Variants in GALNS observed in about 807,000 individuals in gnomAD.
GALNS encodes the protein N-acetylgalactosamine-6-sulfatase.
A neutral mutation model predicts 65.9 loss-of-function variants in GALNS; 65 were observed. The ratio of observed to expected loss-of-function variants is 0.99; its 90% CI spans 0.81 to 1.21. The LOEUF (loss-of-function observed/expected upper bound fraction) is 1.21, where lower values mean the gene tolerates loss of function less well. Ranked by LOEUF, GALNS falls within the 50% of genes most tolerant of loss-of-function variation. The pLI, the probability that GALNS is intolerant of heterozygous loss-of-function variation, is 0.00. For synonymous variants in GALNS, 346 were observed against 288.9 expected (o/e 1.20, Z -2.00); for missense variants, 776 against 700.7 (o/e 1.11, Z -1.21).
Position 88,814,016 on chromosome 16 carries a change from A to T in GALNS, c.*423T>A. On this transcript the variant is annotated 3_prime_UTR_variant, in exon 14 of 14. Coordinates refer to ENST00000268695, the MANE Select transcript of GALNS (RefSeq NM_000512.5). ...CTGAACCAATGTACGCCATACACAT[A>T]CTGATCTTGTGTCTCCCTAAGATGT... The T allele has an allele frequency of 1.3e-5, 4 of 319,462 alleles. No individual in the cohort carries two copies. The highest frequency in any genetic ancestry group is 1.1e-4 in the South Asian group (4 of 36,004). The allele number at this position is 319,462 out of a possible 1,614,324, so 19.8% of individuals were successfully genotyped here.
In GALNS at chr16:88,822,631, A is replaced by G; in HGVS notation, c.1322T>C (p.Ile441Thr). ...CCCTGGGTCCCGTCCCAGGTGGAAG[A>G]TCAGGGGCAGCTTCGTGTGGTCTTC... ...NLEDHTKLPL[I>T]FHLGRDPGER... Residue 441 changes from isoleucine to threonine, a missense_variant, in exon 12 of 14, where the codon ATC becomes ACC. Ile to Thr is a moderately conservative substitution (Grantham distance 89). Transcript: ENST00000268695. 1.2e-6 allele frequency: 2 copies of G among 1,613,030 alleles called. No individual in the cohort carries two copies. Among genetic ancestry groups the G allele is most frequent in the Non-Finnish European group, 1.7e-6 (2 of 1,179,858 alleles).
intron 7 of GALNS, among the ~76,000 whole-genome samples, 176 bp downstream of exon 7, chr16:88,835,549 C>A (rs1912031514): frequency 6.6e-6 from 1 of 152,142 alleles, no homozygotes; most frequent in African/African-American, 2.4e-5. Context: ...AGAGCCAGCA[C>A]CCCCACCACA....
Position 88,856,854 on chromosome 16 carries a change from C to T in GALNS, c.24G>A (p.Thr8=), listed in dbSNP as rs904615956. The T allele has an allele frequency of 6.6e-6, 10 of 1,511,322 alleles. No homozygotes were observed. The African/African-American group carries it at 8.7e-5, about 13-fold the overall frequency. 93.6% of individuals were successfully genotyped at this position (1,511,322 alleles called of 1,614,324 possible). A position where few individuals can be genotyped will look rare whatever the true frequency, so the allele number is the denominator to read the frequency against. ...GCACCAGCAACAGCTGCCACCACCT[C>T]GTCGCCGCGACAACCGCCGCCATGG... MAAVVAA[T]RWWQLLLVLS... Residue 8 remains threonine (T), a synonymous_variant, in exon 1 of 14, where the codon ACG becomes ACA. Coordinates refer to ENST00000268695, the MANE Select transcript of GALNS (RefSeq NM_000512.5).
chr16:88,827,763 G>A (rs1031935214), intron 9 of GALNS, among the ~76,000 whole-genome samples: 14 of 152,178 alleles, frequency 9.2e-5, no homozygotes, highest in African/African-American at 2.9e-4. Context: ...TAACTCGGGG[G>A]CTCCAGGCTT....
intron 13 of GALNS, chr16:88,815,072 G>A (rs971559883): frequency 6.9e-6 from 6 of 864,166 alleles, no homozygotes; most frequent in African/African-American, 1.1e-4. Flanking sequence ...GGTCAACCCC[G>A]GACCCCAACC....
intron 4 of GALNS, among the ~76,000 whole-genome samples, chr16:88,840,055 A>G (rs895536570): frequency 3.3e-5 from 5 of 151,874 alleles, no homozygotes; most frequent in African/African-American, 1.2e-4. Flanking sequence ...GTGGGGCCCA[A>G]CCTCCCTGTG....
chr16:88,824,698 G>A (rs1567518915), intron 11 of GALNS, 69 bp downstream of exon 11: 8 of 1,319,326 alleles, frequency 6.1e-6, no homozygotes, highest in Admixed American at 1.7e-5. Flanking sequence ...CCCCAGGACG[G>A]TGCTCAGGGG....
intron 13 of GALNS, chr16:88,815,391 G>A (rs1909517741): frequency 1.0e-6 from 1 of 985,466 alleles, no homozygotes; most frequent in Non-Finnish European, 1.2e-6. Flanking sequence ...CCTTTCCCAG[G>A]GAGAAGCCAG....
chr16:88,842,675 C>A, intron 2 of GALNS, 31 bp downstream of exon 2: 2 of 1,610,232 alleles, frequency 1.2e-6, no homozygotes, highest in South Asian at 1.1e-5. Flanking sequence ...GGGCTCACCC[C>A]TTCCTGGGGG....
chr16:88,814,645 G>A (rs1322646273), intron 13 of GALNS, 120 bp from the exon 14 acceptor site: 18 of 1,492,710 alleles, frequency 1.2e-5, no homozygotes, highest in Non-Finnish European at 1.6e-5. Context: ...CCAGGCTGGA[G>A]TTCAGTGGCG....
At chr16:88,824,660 TC>T in intron 11 of GALNS, 106 bp downstream of exon 11, 1 of 893,816 alleles carries the variant, frequency 1.1e-6, no homozygotes, top group Non-Finnish European at 1.8e-6. Context: ...GGGGTGGAGT[TC>T]CTGCCTGTCT....
intron 9 of GALNS, among the ~76,000 whole-genome samples, chr16:88,829,363 G>A (rs1262188476): frequency 1.3e-5 from 2 of 152,210 alleles, no homozygotes; most frequent in East Asian, 3.9e-4. Context: ...AAAGGAGGCC[G>A]TGCCCACCAC....
chr16:88,835,725 C>T lies in GALNS; in HGVS notation c.758G>A (p.Arg253Gln), dbSNP rs769560969. The change falls in exon 7 of 14, where the codon CGG (arginine) becomes CAG (glutamine). Residue 253 changes from arginine (R) to glutamine (Q), a missense_variant and splice_region_variant. Coordinates refer to ENST00000268695, the MANE Select transcript of GALNS (RefSeq NM_000512.5). Reference sequence around the variant, plus strand: ...TATGCTCCATGGAGCCAGGACTCACCGCCCTCGCTGACTGGTGCCCAAGAA... The same window carrying T: ...TATGCTCCATGGAGCCAGGACTCACTGCCCTCGCTGACTGGTGCCCAAGAA... Reference protein sequence around the residue: ...KPFLGTSQRGRYGDAVREIDD... With the variant: ...KPFLGTSQRGQYGDAVREIDD... 1.3e-5 allele frequency: 21 copies of T among 1,613,852 alleles called. No individual in the cohort carries two copies. Among genetic ancestry groups the T allele is most frequent in the South Asian group, 6.6e-5 (6 of 91,086 alleles).
intron 9 of GALNS, among the ~76,000 whole-genome samples, chr16:88,831,165 A>T (rs1036068625): frequency 3.3e-5 from 5 of 152,180 alleles, no homozygotes; most frequent in African/African-American, 4.8e-5. Flanking sequence ...CAAGCACAGC[A>T]AGCCCTACAC....
At chr16:88,820,868 G>C (rs914311908) in intron 12 of GALNS, among the ~76,000 whole-genome samples, 38 of 152,160 alleles carry the variant, frequency 2.5e-4, no homozygotes, top group African/African-American at 9.2e-4. Flanking sequence ...GCACCGGTGT[G>C]GCCAGCAGCT....
intron 13 of GALNS, chr16:88,817,460 G>C (rs1597522596): frequency 1.0e-6 from 1 of 985,400 alleles, no homozygotes; most frequent in Non-Finnish European, 1.2e-6. Context: ...TCTGGGGCTG[G>C]CCCAGCATGA....
At chr16:88,815,472 G>T in intron 13 of GALNS, 1 of 985,492 alleles carries the variant, frequency 1.0e-6, no homozygotes, top group South Asian at 4.7e-5. Flanking sequence ...TCGCCTGGGT[G>T]TGTGTGGACC....
At chr16:88,822,400 G>T (rs962904236) in intron 12 of GALNS, among the ~76,000 whole-genome samples, 189 bp downstream of exon 12, 1 of 152,194 alleles carries the variant, frequency 6.6e-6, no homozygotes, top group African/African-American at 2.4e-5. Flanking sequence ...AGACCACCAG[G>T]GTGGGCAGCA....
chr16:88,818,031 G>A lies in GALNS; in HGVS notation c.1458C>T (p.Leu486=). 1.9e-6 allele frequency: 3 copies of A among 1,583,408 alleles called. No homozygotes were observed. Among genetic ancestry groups the A allele is most frequent in the East Asian group, 2.3e-5 (1 of 43,340 alleles). The change falls in exon 13 of 14, where the codon CTC becomes CTT. Residue 486 remains leucine (L), a synonymous_variant. Transcript: ENST00000268695. ...CCATGACCGCCCAGTTGCACACGTTGAGCTGGGGCTGCGCGGGGACCAAGG... is the reference window on the plus strand; with the variant it reads ...CCATGACCGCCCAGTTGCACACGTTAAGCTGGGGCTGCGCGGGGACCAAGG... ...QEALVPAQPQ[L]NVCNWAVMNW...
Sources: gnomAD v4.1 joint callset for allele counts (sites outside exome capture counted in the v4.1 genomes callset) on GRCh38, gnomAD v4.1.1 for gene constraint, MANE v1.5 for transcripts, NCBI Gene and HGNC (gene_info 2026-07-23, HGNC 2026-07-21) for gene names.